GC: variants seen among roughly 807,000 people sequenced by gnomAD.
The protein encoded by GC is vitamin D-binding protein.
In GC, 43 loss-of-function variants were observed where a neutral mutation model predicts 56.7. The ratio of observed to expected loss-of-function variants is 0.76; its 90% CI spans 0.59 to 0.98. The LOEUF is 0.98. Among genes scored for constraint, GC ranks in the 50% least tolerant of loss-of-function variants. GC has a pLI of 0.00. For missense variants in GC, 529 were observed against 545.9 expected (o/e 0.97, Z 0.31); for synonymous variants, 216 against 202.7 (o/e 1.07, Z -0.56).
rs371559535 is a variant in GC, at chr4:71,802,324, AC to A, written c.21+1601del. ...CTTTTCTTTTTCTGGATTGACATTT[AC>A]CTTCTAGGATTATGCACATGCAAAA... On this transcript the variant is annotated intron_variant, in intron 1 of 13. Coordinates refer to the GC transcript ENST00000504199. 2.7e-4 allele frequency among the ~76,000 whole-genome samples: 41 copies of A among 152,198 alleles called. 1 individual carries two copies. In the East Asian group the frequency reaches 7.5e-3, roughly 28 times the overall value.
intron 1 of GC, among the ~76,000 whole-genome samples, chr4:71,775,927 G>A (rs1742493742): frequency 6.6e-6 from 1 of 151,948 alleles, no homozygotes; most frequent in Non-Finnish European, 1.5e-5. Context: ...AATCATTAAG[G>A]AGATGCAAAT....
At chr4:71,750,585 T>A (rs1741515602) in intron 11 of GC, among the ~76,000 whole-genome samples, 1 of 152,170 alleles carries the variant, frequency 6.6e-6, no homozygotes, top group South Asian at 2.1e-4. Flanking sequence ...ATTATTTCAC[T>A]TATAGAAAGG....
At chr4:71,759,923 C>G (rs1741906955) in intron 6 of GC, among the ~76,000 whole-genome samples, 1 of 152,054 alleles carries the variant, frequency 6.6e-6, no homozygotes, top group Admixed American at 6.6e-5. Flanking sequence ...TAGAAATTCC[C>G]TCTGTTCTGC....
chr4:71,763,528 TTA>T, intron 5 of GC, 26 bp from the exon 6 acceptor site: 2 of 1,345,610 alleles, frequency 1.5e-6, no homozygotes, highest in Non-Finnish European at 2.1e-6. Context: ...AAGAATCTCA[TTA>T]TATGGTCAAG....
chr4:71,745,591 A>C (rs1443035845), intron 12 of GC, among the ~76,000 whole-genome samples: 1 of 152,180 alleles, frequency 6.6e-6, no homozygotes, highest in Non-Finnish European at 1.5e-5. Flanking sequence ...TTGTTGTTGA[A>C]ATGTGCAGAG....
intron 8 of GC, 31 bp downstream of exon 8, chr4:71,756,681 G>A (rs372663659): frequency 1.1e-5 from 17 of 1,499,494 alleles, no homozygotes; most frequent in African/African-American, 4.1e-5. Flanking sequence ...AACTTAAAAT[G>A]GGAAAACGTT....
upstream of GC, among the ~76,000 whole-genome samples, chr4:71,786,376 G>A (rs115822021): frequency 6.6e-6 from 1 of 151,824 alleles, no homozygotes; most frequent in Non-Finnish European, 1.5e-5. Flanking sequence ...GATTACTCTA[G>A]TAAGTCAGAT....
chr4:71,801,819 T>A (rs367920173), intron 1 of GC, among the ~76,000 whole-genome samples: 79 of 152,096 alleles, frequency 5.2e-4, no homozygotes, highest in African/African-American at 1.9e-3. Context: ...TTTTAAATAT[T>A]TCCACTTCTC....
At chr4:71,773,983 A>C (rs1171942094) in intron 1 of GC, among the ~76,000 whole-genome samples, 2 of 152,056 alleles carry the variant, frequency 1.3e-5, no homozygotes, top group East Asian at 3.9e-4. Context: ...GATATTGTTC[A>C]TTTCACAGTA....
chr4:71,783,319 T>C (rs1050762176), intron 1 of GC, among the ~76,000 whole-genome samples: 5 of 151,728 alleles, frequency 3.3e-5, no homozygotes, highest in Non-Finnish European at 7.4e-5. Flanking sequence ...ATAATCTCAG[T>C]CTTTATCATG....
At chr4:71,768,475 GTTT>G in intron 2 of GC, 42 bp from the exon 3 acceptor site, 1 of 1,278,962 alleles carries the variant, frequency 7.8e-7, no homozygotes, top group Non-Finnish European at 1.1e-6. Context: ...GAACTGAAAG[GTTT>G]TTTTTTTTGA....
At chr4:71,786,552 A>T (rs1315479238), upstream of GC, among the ~76,000 whole-genome samples, 1 of 151,710 alleles carries the variant, frequency 6.6e-6, no homozygotes, top group Admixed American at 6.6e-5. Context: ...TCCTGTAAAA[A>T]ACTGATTTGA....
chr4:71,744,958 T>C (rs1278091972), intron 12 of GC, among the ~76,000 whole-genome samples: 2 of 152,240 alleles, frequency 1.3e-5, no homozygotes, highest in Non-Finnish European at 2.9e-5. Flanking sequence ...ACTTTATCGT[T>C]GGGACATGAT....
chr4:71,788,228 G>A (rs1376522707), upstream of GC, among the ~76,000 whole-genome samples: 1 of 151,852 alleles, frequency 6.6e-6, no homozygotes, highest in African/African-American at 2.4e-5. Flanking sequence ...TATAATTTGA[G>A]TAATCATGGT....
chr4:71,804,040 G>T, exon 1 of GC: 3 of 810,936 alleles, frequency 3.7e-6, no homozygotes, highest in Non-Finnish European at 6.2e-6. Flanking sequence ...TGAAAAAACA[G>T]TGAAAAGAGC....
chr4:71,756,013 T>C (rs1741756352), intron 8 of GC, among the ~76,000 whole-genome samples: 1 of 152,204 alleles, frequency 6.6e-6, no homozygotes, highest in East Asian at 1.9e-4. Context: ...TTTAACTTAC[T>C]TTTTTTTAGT....
At chr4:71,777,856 G>A (rs544060453) in intron 1 of GC, among the ~76,000 whole-genome samples, 7 of 151,354 alleles carry the variant, frequency 4.6e-5, no homozygotes, top group East Asian at 2.0e-4. Context: ...TGGACACAGG[G>A]AGGGGAACAT....
intron 1 of GC, among the ~76,000 whole-genome samples, chr4:71,780,721 A>G (rs1230886308): frequency 2.0e-5 from 3 of 152,180 alleles, no homozygotes; most frequent in African/African-American, 7.2e-5. Flanking sequence ...CAATCATTAA[A>G]AAGTCAGGAA....
intron 12 of GC, among the ~76,000 whole-genome samples, chr4:71,743,098 G>A (rs1232292413): frequency 1.3e-5 from 2 of 152,180 alleles, no homozygotes; most frequent in Non-Finnish European, 1.5e-5. Context: ...ACCAATAACT[G>A]TCAAGATGAG....
Sources: gnomAD v4.1 joint callset for allele counts (sites outside exome capture counted in the v4.1 genomes callset) on GRCh38, gnomAD v4.1.1 for gene constraint, MANE v1.5 for transcripts, NCBI Gene and HGNC (gene_info 2026-07-23, HGNC 2026-07-21) for gene names.